The following ANKH variants were observed in gnomAD, a reference collection of about 807,000 sequenced individuals.
The protein encoded by ANKH is ANKH inorganic pyrophosphate transport regulator.
Under a neutral mutation model 49.0 loss-of-function variants are expected in ANKH, and 15 were observed. The observed-to-expected ratio is 0.31, with a 90% CI of 0.20 to 0.47. The LOEUF is 0.47. ANKH is among the 20% of genes least tolerant of loss of function. ANKH has a pLI of 1.00. For missense variants in ANKH, 429 were observed against 652.0 expected, an observed-to-expected ratio of 0.66 and a Z score of 3.72; for synonymous variants, 273 against 260.0, an observed-to-expected ratio of 1.05 and a Z score of -0.48.
chr5:14,793,037 AAT>A (rs1267380844), intron 1 of ANKH, among the ~76,000 whole-genome samples: 2 of 56,230 alleles, frequency 3.6e-5, no homozygotes, highest in African/African-American at 7.8e-5. Flanking sequence ...TATATATAAA[AAT>A]ATATATATAA....
In ANKH at chr5:14,741,896, G is replaced by A. The variant is rs1738371964; in HGVS notation, c.942C>T (p.Ser314=). ...DKNNPSNKLV[S]TSNTVTAAHI... ...GGGCTGCCGTGACTGTGTTGCTCGT[G>A]CTCACCAGTTTGTTGCTGGGGTTAT... The change falls in exon 8 of 12, where the codon AGC becomes AGT. Residue 314 remains serine, a synonymous_variant. Coordinates refer to ENST00000284268, the MANE Select transcript of ANKH (RefSeq NM_054027.6). 6.2e-7 allele frequency: 1 copy of A among 1,614,016 alleles called. No individual in the cohort carries two copies. Among genetic ancestry groups the A allele is most frequent in the Admixed American group, 1.7e-5 (1 of 60,006 alleles).
chr5:14,756,044 C>T lies in ANKH; in HGVS notation c.433-100G>A, dbSNP rs528035316. The T allele has an allele frequency of 8.1e-6, 8 of 987,462 alleles. No homozygotes were observed. The South Asian group carries it at 9.5e-5, about 12-fold the overall frequency. The allele number at this position is 987,462 out of a possible 1,614,324, so 61.2% of individuals were successfully genotyped here. ...GGCATTCCTGAAATACACTTTATACCCCCTCAAAGCCTTAGCAGCCCAGGT... is the reference window on the plus strand; with the variant it reads ...GGCATTCCTGAAATACACTTTATACTCCCTCAAAGCCTTAGCAGCCCAGGT... On this transcript the variant is annotated intron_variant, in intron 3 of 11. Coordinates refer to ENST00000284268, the MANE Select transcript of ANKH (RefSeq NM_054027.6).
intron 7 of ANKH, among the ~76,000 whole-genome samples, chr5:14,744,335 TG>T (rs1738458329): frequency 6.6e-6 from 1 of 152,190 alleles, no homozygotes; most frequent in South Asian, 2.1e-4. Context: ...TCCTAACTAA[TG>T]GTCCACTGAG....
At chr5:14,835,667 C>A (rs1741631146) in intron 1 of ANKH, among the ~76,000 whole-genome samples, 2 of 152,056 alleles carry the variant, frequency 1.3e-5, no homozygotes, top group Admixed American at 6.6e-5. Context: ...TGTCTTCTGA[C>A]AAAATCACAG....
At chr5:14,858,742 T>C (rs1042353098) in intron 1 of ANKH, among the ~76,000 whole-genome samples, 4 of 92,206 alleles carry the variant, frequency 4.3e-5, no homozygotes, top group African/African-American at 1.6e-4. Context: ...AATAAATAAA[T>C]AAATAAATAA....
chr5:14,723,174 G>A lies in ANKH; in HGVS notation c.1012-6339C>T, dbSNP rs150772563. On this transcript the variant is annotated intron_variant, in intron 8 of 11. Transcript: ENST00000284268. ...AGATCCTGGAACAGAAAGAGCTCAC[G>A]AGAAAACAAACCAGTGAAATCCTAA... Among the ~76,000 whole-genome samples the A allele has an allele frequency of 1.3e-3, 203 of 152,164 alleles. 1 individual carries two copies. Among genetic ancestry groups the A allele is most frequent in the African/African-American group, 4.1e-3 (171 of 41,510 alleles).
At chr5:14,728,585 CCAGA>C (rs1221698917) in intron 8 of ANKH, among the ~76,000 whole-genome samples, 4 of 152,166 alleles carry the variant, frequency 2.6e-5, no homozygotes, top group Non-Finnish European at 5.9e-5. Flanking sequence ...CGTCTTTGTT[CCAGA>C]CAAAGGGTCA....
intron 8 of ANKH, among the ~76,000 whole-genome samples, chr5:14,736,825 T>A (rs1471290336): frequency 6.6e-6 from 1 of 152,188 alleles, no homozygotes; most frequent in Non-Finnish European, 1.5e-5. Context: ...TCTGGAGAGA[T>A]CCCATTTCCA....
chr5:14,736,314 T>C (rs1406182908), intron 8 of ANKH, among the ~76,000 whole-genome samples: 2 of 152,200 alleles, frequency 1.3e-5, no homozygotes, highest in Admixed American at 6.5e-5. Flanking sequence ...TGTGGGTGTG[T>C]GGGGCCAGCC....
At chr5:14,832,836 T>C (rs1741541967) in intron 1 of ANKH, among the ~76,000 whole-genome samples, 1 of 152,156 alleles carries the variant, frequency 6.6e-6, no homozygotes. Context: ...ATGAAACATC[T>C]GGAAAGAATA....
At position 14,749,205 on chromosome 5, in the gene ANKH, G is replaced by T; in HGVS notation, c.789C>A (p.Ser263=). 6.2e-7 allele frequency: 1 copy of T among 1,614,064 alleles called. No homozygotes were observed. The highest frequency in any genetic ancestry group is 8.5e-7 in the Non-Finnish European group (1 of 1,179,954). Reference sequence around the variant, plus strand: ...CTGCAGAACTGCCACCAAGGTCCCGGGAAACAAAGAGGTTGACAATAGGCC... The same window carrying T: ...CTGCAGAACTGCCACCAAGGTCCCGTGAAACAAAGAGGTTGACAATAGGCC... ...ISRPIVNLFV[S]RDLGGSSAAT... The change falls in exon 6 of 12, where the codon TCC becomes TCA. Residue 263 remains serine, a synonymous_variant. Coordinates refer to ENST00000284268, the MANE Select transcript of ANKH (RefSeq NM_054027.6).
At chr5:14,772,220 G>A (rs1474987717) in intron 1 of ANKH, among the ~76,000 whole-genome samples, 2 of 152,144 alleles carry the variant, frequency 1.3e-5, no homozygotes, top group South Asian at 2.1e-4. Flanking sequence ...CACGTTCTGT[G>A]CCTTTGTTTC....
intron 1 of ANKH, among the ~76,000 whole-genome samples, chr5:14,796,829 T>A (rs898721719): frequency 1.3e-5 from 2 of 152,200 alleles, no homozygotes; most frequent in Non-Finnish European, 2.9e-5. Context: ...AACTTGGGGA[T>A]ATAGCATAAG....
intron 1 of ANKH, among the ~76,000 whole-genome samples, chr5:14,842,019 G>A (rs1199082010): frequency 6.6e-6 from 1 of 151,838 alleles, no homozygotes. Flanking sequence ...CTTTACAAAG[G>A]GATAATAAAC....
At chr5:14,729,596 C>A (rs1170125413) in intron 8 of ANKH, among the ~76,000 whole-genome samples, 1 of 152,190 alleles carries the variant, frequency 6.6e-6, no homozygotes, top group African/African-American at 2.4e-5. Flanking sequence ...CCCTGTACCT[C>A]CGCCTCTACC....
intron 1 of ANKH, among the ~76,000 whole-genome samples, chr5:14,774,231 T>C (rs1032848843): frequency 2.6e-5 from 4 of 152,202 alleles, no homozygotes; most frequent in African/African-American, 9.6e-5. Context: ...TCTATGCTTT[T>C]GGATTTGCCA....
intron 1 of ANKH, among the ~76,000 whole-genome samples, chr5:14,784,072 G>A (rs923013682): frequency 1.3e-5 from 2 of 152,236 alleles, no homozygotes; most frequent in African/African-American, 4.8e-5. Flanking sequence ...TGTTGGTGGA[G>A]TACATGAATT....
intron 1 of ANKH, among the ~76,000 whole-genome samples, chr5:14,805,353 A>G (rs1028521534): frequency 1.3e-5 from 2 of 150,512 alleles, no homozygotes; most frequent in Non-Finnish European, 3.0e-5. Context: ...GTAAGTTAAT[A>G]CTTAATAAAC....
chr5:14,711,792 C>T (rs1737218524), intron 11 of ANKH, among the ~76,000 whole-genome samples: 1 of 152,246 alleles, frequency 6.6e-6, no homozygotes, highest in Non-Finnish European at 1.5e-5. Context: ...AGTTCCTGGT[C>T]ACTTCCCTGC....
Sources: gnomAD v4.1 joint callset for allele counts (sites outside exome capture counted in the v4.1 genomes callset) on GRCh38, gnomAD v4.1.1 for gene constraint, MANE v1.5 for transcripts, NCBI Gene and HGNC (gene_info 2026-07-23, HGNC 2026-07-21) for gene names.